GALNT13: variants seen among roughly 807,000 people sequenced by gnomAD.
GALNT13 encodes UDP-GalNAc:polypeptide N-acetylgalactosaminyltransferase 13.
GALNT13 carries 28 observed loss-of-function variants against 64.2 expected under a neutral mutation model. The ratio of observed to expected loss-of-function variants is 0.44; its 90% CI spans 0.32 to 0.60. The LOEUF (loss-of-function observed/expected upper bound fraction) is 0.60. GALNT13 is among the 20% of genes least tolerant of loss of function. The pLI is 0.05. For synonymous variants in GALNT13, 214 were observed against 224.6 expected, an observed-to-expected ratio of 0.95 and a Z score of 0.42; for missense variants, 577 against 669.8, an observed-to-expected ratio of 0.86 and a Z score of 1.53.
At chr2:153,997,497 T>G (rs1695599346) in intron 3 of GALNT13, among the ~76,000 whole-genome samples, 1 of 151,784 alleles carries the variant, frequency 6.6e-6, no homozygotes, top group East Asian at 1.9e-4. Flanking sequence ...TTAGAAAAAA[T>G]GCTTCTAGAT....
At chr2:153,903,973 A>T (rs1688397349) in intron 2 of GALNT13, among the ~76,000 whole-genome samples, 1 of 151,992 alleles carries the variant, frequency 6.6e-6, no homozygotes. Context: ...TGTGGGAATT[A>T]CTTCCTTGCT....
the GALNT13 span, among the ~76,000 whole-genome samples, chr2:153,696,632 G>T: frequency 6.6e-6 from 1 of 152,044 alleles, no homozygotes; most frequent in African/African-American, 2.4e-5. Context: ...ACAATATGTT[G>T]TAATATAAGT....
chr2:153,283,827 C>T, the GALNT13 span, among the ~76,000 whole-genome samples: 3 of 151,364 alleles, frequency 2.0e-5, no homozygotes, highest in Non-Finnish European at 4.4e-5. Context: ...GTGGAGAGAC[C>T]CCCTGGAAAC....
the GALNT13 span, among the ~76,000 whole-genome samples, chr2:153,382,285 T>C: frequency 6.6e-6 from 1 of 152,090 alleles, no homozygotes; most frequent in Non-Finnish European, 1.5e-5. Context: ...ACCCAAGTAG[T>C]AAGCATAGCA....
the GALNT13 span, among the ~76,000 whole-genome samples, chr2:153,615,714 GA>G: frequency 6.6e-6 from 1 of 151,890 alleles, no homozygotes; most frequent in Non-Finnish European, 1.5e-5. Context: ...CTTTTAAATG[GA>G]ATCTTTTAAA....
intron 4 of GALNT13, among the ~76,000 whole-genome samples, chr2:154,206,573 T>A (rs910761077): frequency 6.6e-6 from 1 of 151,846 alleles, no homozygotes; most frequent in Non-Finnish European, 1.5e-5. Flanking sequence ...AGCAGGTGGA[T>A]CAGCTGAAGG....
chr2:154,018,902 G>A (rs564307455), intron 3 of GALNT13, among the ~76,000 whole-genome samples: 8 of 151,856 alleles, frequency 5.3e-5, no homozygotes, highest in South Asian at 2.1e-4. Flanking sequence ...AAGGAAGCCT[G>A]GAAAAAGGAG....
At chr2:154,195,921 T>C (rs141054151) in intron 4 of GALNT13, among the ~76,000 whole-genome samples, 142 of 152,278 alleles carry the variant, frequency 9.3e-4, no homozygotes, top group African/African-American at 3.3e-3. Flanking sequence ...ACTGCTCCTA[T>C]TCATAGATCT....
intron 11 of GALNT13, among the ~76,000 whole-genome samples, chr2:154,421,735 A>G (rs753578684): frequency 1.9e-4 from 29 of 152,116 alleles, no homozygotes; most frequent in Non-Finnish European, 2.9e-4. Flanking sequence ...ATGTGTTAGC[A>G]GTATGAAATG....
intron 3 of GALNT13, among the ~76,000 whole-genome samples, chr2:154,126,002 C>T (rs1457691794): frequency 6.6e-6 from 1 of 152,078 alleles, no homozygotes; most frequent in Admixed American, 6.5e-5. Flanking sequence ...GGGTGAATAT[C>T]CATTCAGGAG....
At chr2:153,860,917 A>G in the GALNT13 span, among the ~76,000 whole-genome samples, 1 of 152,224 alleles carries the variant, frequency 6.6e-6, no homozygotes, top group African/African-American at 2.4e-5. Flanking sequence ...AGGAGCTCTC[A>G]TAGTACCAAT....
chr2:154,401,040 G>A (rs1699278397), intron 10 of GALNT13, among the ~76,000 whole-genome samples: 2 of 152,126 alleles, frequency 1.3e-5, no homozygotes, highest in South Asian at 4.1e-4. Flanking sequence ...ATTTGCATTT[G>A]CATGTTGCTT....
chr2:153,500,870 T>C, the GALNT13 span, among the ~76,000 whole-genome samples: 1 of 152,210 alleles, frequency 6.6e-6, no homozygotes, highest in Non-Finnish European at 1.5e-5. Context: ...TGATAACATA[T>C]ACTCAGACAT....
At chr2:153,268,083 A>G in the GALNT13 span, among the ~76,000 whole-genome samples, 44 of 152,292 alleles carry the variant, frequency 2.9e-4, 1 homozygote, top group Middle Eastern at 3.4e-3. Context: ...CCCTTCCAAC[A>G]GTCCCCAAAA....
chr2:154,275,199 A>G (rs1028679193), intron 8 of GALNT13, among the ~76,000 whole-genome samples: 1 of 152,164 alleles, frequency 6.6e-6, no homozygotes, highest in South Asian at 2.1e-4. Flanking sequence ...TCTGTGGAGA[A>G]ATTCAAGCCT....
the GALNT13 span, among the ~76,000 whole-genome samples, chr2:153,359,459 A>G: frequency 6.6e-6 from 1 of 151,946 alleles, no homozygotes; most frequent in African/African-American, 2.4e-5. Context: ...AAAATTGAGT[A>G]AAACAGGAAA....
intron 4 of GALNT13, among the ~76,000 whole-genome samples, chr2:154,142,640 G>T (rs1026351301): frequency 6.6e-6 from 1 of 151,318 alleles, no homozygotes. Flanking sequence ...GGTTTATTTG[G>T]TATCTTAGCA....
the GALNT13 span, among the ~76,000 whole-genome samples, chr2:153,630,810 T>TATTTATTTA: frequency 1.7e-4 from 5 of 29,502 alleles, no homozygotes; most frequent in African/African-American, 3.0e-4. Flanking sequence ...TATATATATT[T>TATTTATTTA]TTTTTTTTTT....
chr2:153,431,123 C>G, the GALNT13 span, among the ~76,000 whole-genome samples: 5 of 148,348 alleles, frequency 3.4e-5, no homozygotes, highest in African/African-American at 1.3e-4. Flanking sequence ...GCACTCTAGC[C>G]TAGGCAACAG....
Sources: allele counts gnomAD v4.1 joint callset (sites outside exome capture counted in the v4.1 genomes callset), GRCh38; gene constraint gnomAD v4.1.1; transcripts MANE v1.5; gene names NCBI Gene and HGNC (gene_info 2026-07-23, HGNC 2026-07-21).